CHD1L: variants seen among roughly 807,000 people sequenced by gnomAD.
CHD1L encodes the protein ATP-dependent chromatin remodeler CHD1L.
In CHD1L, 118 loss-of-function variants were observed where a neutral mutation model predicts 115.9. The observed-to-expected ratio is 1.02, with a 90% CI of 0.88 to 1.19. The LOEUF (loss-of-function observed/expected upper bound fraction) is 1.19. Ranked by LOEUF, CHD1L falls within the 50% of genes most tolerant of loss-of-function variation. The probability of loss-of-function intolerance (pLI) is 0.00; values close to 1 mark genes in which losing one functional copy is unlikely to be tolerated. For missense variants in CHD1L, 1,179 were observed against 1,065.3 expected, an observed-to-expected ratio of 1.11 and a Z score of -1.49; for synonymous variants, 411 against 387.1, an observed-to-expected ratio of 1.06 and a Z score of -0.72.
At chr1:147,191,098 C>G in the CHD1L span, among the ~76,000 whole-genome samples, 3 of 152,080 alleles carry the variant, frequency 2.0e-5, no homozygotes, top group Non-Finnish European at 4.4e-5. Flanking sequence ...GGACATTTGG[C>G]TTGGTTCCAA....
intron 12 of CHD1L, among the ~76,000 whole-genome samples, chr1:147,273,763 G>A (rs1677198115): frequency 6.6e-6 from 1 of 152,202 alleles, no homozygotes; most frequent in African/African-American, 2.4e-5. Context: ...AGATCTGGGA[G>A]CTGAAGCAGT....
Position 147,294,432 on chromosome 1 carries a change from G to A in CHD1L, c.2530G>A (p.Gly844Arg), listed in dbSNP as rs782260077. 12 of 1,611,744 alleles carry A rather than the reference G, an allele frequency of 7.4e-6. No homozygotes were observed. The highest frequency in any genetic ancestry group is 9.3e-6 in the Non-Finnish European group (11 of 1,179,022). ...KKASVHLPRI[G>R]HATKGFNWYG... ...AGCAAGTGTTCATCTTCCACGTATT[G>A]GACATGCCACGAAAGGTTTTAACTG... The change falls in exon 22 of 23, where the codon GGA (glycine) becomes AGA (arginine). Residue 844 changes from glycine to arginine, a missense_variant. By Grantham distance (125) the Gly-to-Arg change is moderately radical. Coordinates refer to ENST00000369258, the MANE Select transcript of CHD1L (RefSeq NM_004284.6).
chr1:147,277,654 G>A (rs587768371), intron 14 of CHD1L, among the ~76,000 whole-genome samples: 9 of 152,232 alleles, frequency 5.9e-5, no homozygotes, highest in African/African-American at 2.2e-4. Context: ...ATGGTGCTAG[G>A]GCAGGCTGTA....
chr1:147,189,760 C>T, the CHD1L span, among the ~76,000 whole-genome samples: 1 of 152,120 alleles, frequency 6.6e-6, no homozygotes, highest in Non-Finnish European at 1.5e-5. Context: ...AGCAAAGCGG[C>T]CACTGCAGAC....
the CHD1L span, chr1:147,203,805 G>T: frequency 1.3e-6 from 2 of 1,548,658 alleles, no homozygotes; most frequent in South Asian, 2.2e-5. Flanking sequence ...GAGCCCCGAA[G>T]TACTATGGTA....
intron 14 of CHD1L, among the ~76,000 whole-genome samples, chr1:147,278,938 A>G (rs1488293672): frequency 1.3e-5 from 2 of 152,204 alleles, no homozygotes; most frequent in Admixed American, 6.5e-5. Flanking sequence ...ACTAAGACAC[A>G]TTGCAAGTGA....
chr1:147,267,141 T>C (rs1271736112), intron 8 of CHD1L, among the ~76,000 whole-genome samples: 1 of 152,214 alleles, frequency 6.6e-6, no homozygotes, highest in Non-Finnish European at 1.5e-5. Flanking sequence ...GTCCCTTGAC[T>C]CCACAACAAC....
In CHD1L at chr1:147,268,878, G is replaced by A; in HGVS notation, c.1085G>A (p.Gly362Glu). The change falls in exon 10 of 23, where the codon GGG becomes GAG. Residue 362 changes from glycine (G) to glutamate (E), a missense_variant and splice_region_variant. Gly to Glu is a moderately conservative substitution (Grantham distance 98, BLOSUM62 -2). Transcript: ENST00000369258. The part of the protein sequence containing the change: ...LDKLLAFLYS[G>E]GHRVLLFSQM... ...AAGCTACTAGCATTCCTGTATTCTG[G>A]GTAGGTGGTAGGTTCACATTTGCTG... The A allele has an allele frequency of 6.2e-7, 1 of 1,608,610 alleles. No individual in the cohort carries two copies. Among genetic ancestry groups the A allele is most frequent in the South Asian group, 1.1e-5 (1 of 90,774 alleles).
rs868985983 is a variant in CHD1L, at chr1:147,264,532, G to A, written c.687G>A (p.Glu229=). 3.1e-6 allele frequency: 5 copies of A among 1,613,986 alleles called. No individual in the cohort carries two copies. In the African/African-American group the frequency reaches 6.7e-5, roughly 22 times the overall value. The change falls in exon 7 of 23, where the codon GAG becomes GAA. Residue 229 remains glutamate, a synonymous_variant. Coordinates refer to ENST00000369258, the MANE Select transcript of CHD1L (RefSeq NM_004284.6). ...FVEPDLFSKE[E]VGDFIQRYQD... Reference sequence around the variant, plus strand: ...AGCCTGATCTCTTTTCCAAGGAAGAGGTGGGAGATTTTATTCAACGCTACC... The same window carrying A: ...AGCCTGATCTCTTTTCCAAGGAAGAAGTGGGAGATTTTATTCAACGCTACC...
chr1:147,261,603 A>C (rs371516826), intron 6 of CHD1L, among the ~76,000 whole-genome samples: 1 of 152,182 alleles, frequency 6.6e-6, no homozygotes, highest in East Asian at 1.9e-4. Context: ...CTACTGTGCC[A>C]GTTTACTAAT....
intron 19 of CHD1L, among the ~76,000 whole-genome samples, chr1:147,290,238 C>A (rs1553969181): frequency 6.6e-6 from 1 of 151,694 alleles, no homozygotes. Flanking sequence ...CGCACACCAC[C>A]ATGCCCGGCC....
chr1:147,179,201 G>A, the CHD1L span: 1 of 1,614,110 alleles, frequency 6.2e-7, no homozygotes, highest in South Asian at 1.1e-5. Context: ...AATCTGAAGA[G>A]ATACCTGAAG....
chr1:147,176,210 A>T, the CHD1L span: 1 of 152,196 alleles, frequency 6.6e-6, no homozygotes, highest in Non-Finnish European at 1.5e-5. Flanking sequence ...AACAAATACC[A>T]TTGATTTTAA....
the CHD1L span, chr1:147,213,243 C>T: frequency 7.6e-7 from 1 of 1,317,276 alleles, no homozygotes; most frequent in Non-Finnish European, 1.0e-6. Flanking sequence ...CCACAATCCT[C>T]CCATTCCTCA....
intron 20 of CHD1L, among the ~76,000 whole-genome samples, chr1:147,293,290 C>G (rs772151279): frequency 4.1e-5 from 6 of 146,624 alleles, no homozygotes; most frequent in Non-Finnish European, 7.5e-5. Context: ...TTTTCCATGC[C>G]TACAATTCAG....
rs114807424 is a variant in CHD1L, at chr1:147,286,857, T to C, written c.2221+357T>C. On this transcript the variant is annotated intron_variant, in intron 18 of 22. Transcript: ENST00000369258. ...AGCTTGTTCCCTTGCTTGACCTTTG[T>C]ACTTTTTACTTCATCTGCCTAAAAC... Among the ~76,000 whole-genome samples, 898 of 152,346 alleles carry C rather than the reference T, an allele frequency of 5.9e-3. 4 individuals carry two copies. The highest frequency in any genetic ancestry group is 9.3e-3 in the Non-Finnish European group (634 of 68,040).
At chr1:147,272,778 TTTAA>T (rs1676737114) in intron 12 of CHD1L, among the ~76,000 whole-genome samples, 1 of 152,148 alleles carries the variant, frequency 6.6e-6, no homozygotes, top group Non-Finnish European at 1.5e-5. Flanking sequence ...CCATATATGA[TTTAA>T]ATCGTGAATA....
At position 147,266,028 on chromosome 1, in the gene CHD1L, AC is replaced by A; in HGVS notation, c.838del (p.His280MetfsTer15). 1 of 1,613,860 alleles carries A rather than the reference AC, an allele frequency of 6.2e-7. No homozygotes were observed. The highest frequency in any genetic ancestry group is 8.5e-7 in the Non-Finnish European group (1 of 1,179,816). ...CCCAAGAAGACAGAAGTAGTGATAT[AC>A]CATGGCATGTCAGCATTGCAGAAGA... ...ELPKKTEVVI[Y>X]HGMSALQKKY... On this transcript the variant is annotated frameshift_variant, in exon 8 of 23. Coordinates refer to ENST00000369258, the MANE Select transcript of CHD1L (RefSeq NM_004284.6). LOFTEE classifies it high-confidence loss of function.
chr1:147,289,055 G>T (rs78893364), intron 19 of CHD1L, among the ~76,000 whole-genome samples: 1,835 of 152,250 alleles, frequency 0.012, 19 homozygotes, highest in Middle Eastern at 0.037. Flanking sequence ...AGGGATATAA[G>T]AACTTAGAAT....
Sources: allele counts gnomAD v4.1 joint callset (sites outside exome capture counted in the v4.1 genomes callset), GRCh38; gene constraint gnomAD v4.1.1; transcripts MANE v1.5; gene names NCBI Gene and HGNC (gene_info 2026-07-23, HGNC 2026-07-21).